The following IL15 variants were observed in gnomAD, a reference collection of about 807,000 sequenced individuals.
The protein encoded by IL15 is interleukin-15.
IL15 carries 11 observed loss-of-function variants against 19.6 expected under a neutral mutation model. That is an observed-to-expected ratio of 0.56 (90% CI 0.35 to 0.93). IL15 has a LOEUF of 0.93. Among genes scored for constraint, IL15 ranks in the 40% least tolerant of loss-of-function variants. The pLI is 0.01. For missense variants in IL15, 197 were observed against 186.5 expected, an observed-to-expected ratio of 1.06 and a Z score of -0.33; for synonymous variants, 58 against 59.6, an observed-to-expected ratio of 0.97 and a Z score of 0.12.
chr4:141,682,465 A>G (rs1285851660), intron 2 of IL15, among the ~76,000 whole-genome samples: 4 of 152,240 alleles, frequency 2.6e-5, no homozygotes, highest in East Asian at 1.9e-4. Flanking sequence ...GCTAGAATAT[A>G]TCTGTCAGAA....
At chr4:141,637,046 T>G (rs2152147750) in intron 1 of IL15, 1 of 152,396 alleles carries the variant, frequency 6.6e-6, no homozygotes, top group Admixed American at 6.5e-5. Flanking sequence ...GCTGCGCTCT[T>G]ACGGCGTTCC....
At chr4:141,707,579 G>A (rs1005282225) in intron 2 of IL15, among the ~76,000 whole-genome samples, 1 of 152,162 alleles carries the variant, frequency 6.6e-6, no homozygotes, top group African/African-American at 2.4e-5. Flanking sequence ...AAATCCTAGG[G>A]TATAAGTTCA....
At chr4:141,690,130 C>T (rs374338791) in intron 2 of IL15, among the ~76,000 whole-genome samples, 7 of 152,292 alleles carry the variant, frequency 4.6e-5, no homozygotes, top group East Asian at 1.9e-4. Context: ...CCGGGGCCAG[C>T]ACGGCCAGCC....
chr4:141,682,504 A>G (rs1252452257), intron 2 of IL15, among the ~76,000 whole-genome samples: 4 of 152,204 alleles, frequency 2.6e-5, no homozygotes, highest in Non-Finnish European at 5.9e-5. Flanking sequence ...CTGCATGTCC[A>G]TAACACACAT....
intron 2 of IL15, among the ~76,000 whole-genome samples, chr4:141,711,611 A>G (rs1046733184): frequency 1.4e-4 from 22 of 152,146 alleles, no homozygotes; most frequent in African/African-American, 5.3e-4. Context: ...CAAGAATTTC[A>G]CATTTTTGCA....
chr4:141,727,993 A>G lies in IL15; in HGVS notation c.240+9A>G, dbSNP rs1241603023. 2 of 1,279,304 alleles carry G rather than the reference A, an allele frequency of 1.6e-6. No individual in the cohort carries two copies. Among genetic ancestry groups the G allele is most frequent in the Non-Finnish European group, 2.2e-6 (2 of 900,418 alleles). 79.2% of individuals were successfully genotyped at this position (1,279,304 alleles called of 1,614,324 possible). On this transcript the variant is annotated intron_variant, in intron 6 of 7. Coordinates refer to ENST00000320650, the MANE Select transcript of IL15 (RefSeq NM_000585.5). ...CGGAAAGTGATGTTCACGTGAGTATACTTTTTTTCAAAATTGCTATTTGTC... is the reference window on the plus strand; with the variant it reads ...CGGAAAGTGATGTTCACGTGAGTATGCTTTTTTTCAAAATTGCTATTTGTC...
At chr4:141,651,328 ACAGAAAGT>A (rs1401827782) in intron 1 of IL15, among the ~76,000 whole-genome samples, 1 of 152,088 alleles carries the variant, frequency 6.6e-6, no homozygotes, top group Non-Finnish European at 1.5e-5. Context: ...ACAAATCAAA[ACAGAAAGT>A]CAAATGTGGT....
intron 1 of IL15, among the ~76,000 whole-genome samples, chr4:141,652,898 G>A (rs1727457648): frequency 6.6e-6 from 1 of 152,148 alleles, no homozygotes; most frequent in East Asian, 1.9e-4. Flanking sequence ...TTATTTGTGA[G>A]TGGGAGATGT....
At chr4:141,639,248 C>T (rs1247072501) in intron 1 of IL15, among the ~76,000 whole-genome samples, 1 of 152,088 alleles carries the variant, frequency 6.6e-6, no homozygotes, top group African/African-American at 2.4e-5. Flanking sequence ...GTATTATTTG[C>T]ATACAAATAT....
At position 141,643,351 on chromosome 4, in the gene IL15, C is replaced by T. The variant is rs538202935; in HGVS notation, c.-222+6603C>T. Among the ~76,000 whole-genome samples the T allele has an allele frequency of 3.9e-5, 6 of 152,278 alleles. No homozygotes were observed. In the South Asian group the frequency reaches 1.0e-3, roughly 26 times the overall value. ...TCTGCTTTTTTCTGCCCACATTTTA[C>T]AGGAAAACTTACAACCTTAACTATA... On this transcript the variant is annotated intron_variant, in intron 1 of 7. Coordinates refer to ENST00000320650, the MANE Select transcript of IL15 (RefSeq NM_000585.5).
chr4:141,701,435 G>A (rs1232309160), intron 2 of IL15, among the ~76,000 whole-genome samples: 1 of 152,070 alleles, frequency 6.6e-6, no homozygotes, highest in Non-Finnish European at 1.5e-5. Flanking sequence ...TTTTCCAAAT[G>A]TTGTTTGTAG....
At position 141,656,166 on chromosome 4, in the gene IL15, C is replaced by T. The variant is rs935739499; in HGVS notation, c.-221-20C>T. ...ATACATAATTATTAATCCTCTTATCCGTACCTTTGACTCTTACAGAATCCA... is the reference window on the plus strand; with the variant it reads ...ATACATAATTATTAATCCTCTTATCTGTACCTTTGACTCTTACAGAATCCA... On this transcript the variant is annotated intron_variant, in intron 1 of 7. Transcript: ENST00000320650. 4.3e-5 allele frequency: 17 copies of T among 398,112 alleles called. No individual in the cohort carries two copies. The highest frequency in any genetic ancestry group is 2.1e-4 in the East Asian group (6 of 28,050). 24.7% of individuals were successfully genotyped at this position (398,112 alleles called of 1,614,324 possible). A position where few individuals can be genotyped will look rare whatever the true frequency, so the allele number is the denominator to read the frequency against.
intron 1 of IL15, among the ~76,000 whole-genome samples, chr4:141,652,848 T>C (rs1158858834): frequency 6.6e-6 from 1 of 152,204 alleles, no homozygotes; most frequent in Non-Finnish European, 1.5e-5. Context: ...TTTGCTTCTA[T>C]AAGGGATTGG....
chr4:141,703,167 G>A (rs1214490595), intron 2 of IL15, among the ~76,000 whole-genome samples: 1 of 152,144 alleles, frequency 6.6e-6, no homozygotes, highest in Non-Finnish European at 1.5e-5. Context: ...CCTGCCTGAG[G>A]CCATAAGCTT....
At chr4:141,708,819 T>C (rs1224904744) in intron 2 of IL15, among the ~76,000 whole-genome samples, 1 of 152,098 alleles carries the variant, frequency 6.6e-6, no homozygotes, top group African/African-American at 2.4e-5. Context: ...TCCCTTTTAG[T>C]TGGGGGAACA....
chr4:141,720,443 C>T, intron 3 of IL15, 26 bp from the exon 4 acceptor site: 2 of 1,183,674 alleles, frequency 1.7e-6, no homozygotes, highest in South Asian at 1.3e-5. Context: ...AAAATTTAAC[C>T]ATTTGTCTAT....
intron 5 of IL15, among the ~76,000 whole-genome samples, chr4:141,726,224 G>GA (rs1261926786): frequency 4.0e-5 from 6 of 151,844 alleles, no homozygotes; most frequent in African/African-American, 1.2e-4. Flanking sequence ...AAGCAGGAGA[G>GA]AAAAAATGTA....
At chr4:141,641,798 A>C (rs998847195) in intron 1 of IL15, among the ~76,000 whole-genome samples, 1 of 151,468 alleles carries the variant, frequency 6.6e-6, no homozygotes, top group Admixed American at 6.6e-5. Flanking sequence ...TATGTAACAA[A>C]CCTGCACGTT....
chr4:141,669,249 G>T (rs112633019), intron 2 of IL15, among the ~76,000 whole-genome samples: 101 of 152,288 alleles, frequency 6.6e-4, no homozygotes, highest in African/African-American at 2.3e-3. Context: ...TGGAAATGCA[G>T]GTGCCTAATT....
Sources: gnomAD v4.1 joint callset for allele counts (sites outside exome capture counted in the v4.1 genomes callset) on GRCh38, gnomAD v4.1.1 for gene constraint, MANE v1.5 for transcripts, NCBI Gene and HGNC (gene_info 2026-07-23, HGNC 2026-07-21) for gene names.